The following KMT2C variants were observed in gnomAD, a reference collection of about 807,000 sequenced individuals.
The protein encoded by KMT2C is histone-lysine N-methyltransferase 2C.
Under a neutral mutation model 507.9 loss-of-function variants are expected in KMT2C, and 88 were observed. That is an observed-to-expected ratio of 0.17 (90% CI 0.15 to 0.21). The LOEUF is 0.21. Ranked by LOEUF, KMT2C falls within the 10% of genes least tolerant of loss-of-function variation. The probability of loss-of-function intolerance (pLI) is 1.00; values close to 1 mark genes in which losing one functional copy is unlikely to be tolerated. For missense variants in KMT2C, 4,954 were observed against 5,957.8 expected (o/e 0.83, Z 5.55); for synonymous variants, 2,049 against 2,080.8 (o/e 0.98, Z 0.42).
chr7:152,146,487 C>A, intron 53 of KMT2C, 112 bp downstream of exon 53: 2 of 1,025,134 alleles, frequency 2.0e-6, no homozygotes, highest in Admixed American at 2.1e-5. Context: ...CGGGTTAATG[C>A]ACAGGCTCAG....
chr7:152,385,109 C>T (rs1042978272), intron 1 of KMT2C, among the ~76,000 whole-genome samples: 25 of 152,190 alleles, frequency 1.6e-4, no homozygotes, highest in African/African-American at 6.0e-4. Context: ...GTTCTAACTA[C>T]TCATTTGGAA....
At chr7:152,409,869 C>T (rs1302698518) in intron 1 of KMT2C, among the ~76,000 whole-genome samples, 6 of 151,978 alleles carry the variant, frequency 3.9e-5, no homozygotes, top group Non-Finnish European at 7.4e-5. Flanking sequence ...CTCAAACTTG[C>T]AATGCTATAC....
At chr7:152,214,655 T>C (rs1271234231) in intron 23 of KMT2C, among the ~76,000 whole-genome samples, 2 of 152,220 alleles carry the variant, frequency 1.3e-5, no homozygotes, top group African/African-American at 4.8e-5. Context: ...TGTGACAACA[T>C]GGATGAACCG....
intron 1 of KMT2C, among the ~76,000 whole-genome samples, chr7:152,377,697 T>C (rs1242486498): frequency 1.4e-5 from 2 of 140,068 alleles, no homozygotes; most frequent in East Asian, 2.1e-4. Flanking sequence ...ATCGCACCAC[T>C]GCACTCCAGC....
At chr7:152,270,439 C>A (rs2095942277) in intron 7 of KMT2C, among the ~76,000 whole-genome samples, 1 of 152,184 alleles carries the variant, frequency 6.6e-6, no homozygotes, top group African/African-American at 2.4e-5. Flanking sequence ...CTTGCAAAGA[C>A]TTCTCATTGC....
At chr7:152,384,587 C>G (rs1589627546) in intron 1 of KMT2C, among the ~76,000 whole-genome samples, 1 of 151,200 alleles carries the variant, frequency 6.6e-6, no homozygotes, top group African/African-American at 2.4e-5. Flanking sequence ...ACCACCACCA[C>G]CACCACCACC....
chr7:152,410,412 A>C (rs1344728464), intron 1 of KMT2C, among the ~76,000 whole-genome samples: 5 of 90,876 alleles, frequency 5.5e-5, no homozygotes, highest in Admixed American at 5.2e-4. Flanking sequence ...ACCCTGTCTC[A>C]AAAAAAAAAA....
rs184377660 is a variant in KMT2C at position 152,314,859 on chromosome 7, T to C, written c.590+279A>G. On this transcript the variant is annotated intron_variant, in intron 4 of 58. Transcript: ENST00000262189. ...ACTCCCTCCCTCTCAGCTTGTGTTA[T>C]GTTCTTTGAAGTTTTCTTCCAAAAG... Among the ~76,000 whole-genome samples the C allele has an allele frequency of 1.1e-3, 172 of 152,328 alleles. 2 individuals are homozygous for C. Among genetic ancestry groups the C allele is most frequent in the Admixed American group, 2.2e-3 (34 of 15,302 alleles).
At chr7:152,307,248 A>AGGACGGACGGAC (rs1554631753) in intron 6 of KMT2C, among the ~76,000 whole-genome samples, 1 of 116,986 alleles carries the variant, frequency 8.5e-6, no homozygotes, top group African/African-American at 4.3e-5. Flanking sequence ...GAAGGAAGGA[A>AGGACGGACGGAC]GGACGGTAGG....
At chr7:152,414,479 G>A (rs2097714175) in intron 1 of KMT2C, among the ~76,000 whole-genome samples, 1 of 150,830 alleles carries the variant, frequency 6.6e-6, no homozygotes, top group Non-Finnish European at 1.5e-5. Context: ...CATGAGCCGA[G>A]ATTGTGCCAT....
chr7:152,247,301 G>A (rs1407672330), intron 14 of KMT2C, among the ~76,000 whole-genome samples: 8 of 152,032 alleles, frequency 5.3e-5, no homozygotes, highest in African/African-American at 1.9e-4. Flanking sequence ...ATGTAAAGCA[G>A]ACAAAGGAAG....
At chr7:152,359,591 G>A (rs1056400670) in intron 1 of KMT2C, among the ~76,000 whole-genome samples, 20 of 151,256 alleles carry the variant, frequency 1.3e-4, no homozygotes, top group East Asian at 1.9e-4. Flanking sequence ...CCATCATGGC[G>A]AAACCCCATC....
intron 2 of KMT2C, among the ~76,000 whole-genome samples, chr7:152,334,378 G>A (rs10239761): frequency 0.038 from 5,848 of 152,224 alleles, 386 homozygotes; most frequent in African/African-American, 0.13. Flanking sequence ...CTTGAACTTG[G>A]GAGGCGGAGG....
intron 1 of KMT2C, among the ~76,000 whole-genome samples, chr7:152,408,826 A>AG (rs1296901597): frequency 6.6e-6 from 1 of 151,956 alleles, no homozygotes; most frequent in Non-Finnish European, 1.5e-5. Context: ...AAAAAAAAAA[A>AG]AAAAAAAATG....
chr7:152,275,634 A>G (rs2096067809), intron 6 of KMT2C, among the ~76,000 whole-genome samples: 1 of 152,170 alleles, frequency 6.6e-6, no homozygotes, highest in Non-Finnish European at 1.5e-5. Context: ...AGCTTTTACA[A>G]AACAGGTAAT....
intron 58 of KMT2C, 102 bp from the exon 59 acceptor site, chr7:152,137,026 C>T (rs1037935167): frequency 4.5e-5 from 39 of 868,232 alleles, no homozygotes; most frequent in Admixed American, 1.6e-4. Context: ...ACGAAACAGA[C>T]GTAAATTAAG....
rs748870708 is a variant in KMT2C, at chr7:152,176,637, G to A, written c.8816C>T (p.Pro2939Leu). 5 of 1,614,050 alleles carry A rather than the reference G, an allele frequency of 3.1e-6. No homozygotes were observed. The highest frequency in any genetic ancestry group is 3.3e-5 in the Admixed American group (2 of 60,004). ...TGGGGAGGCCGGCAGAGTTGGTGGT[G>A]GTGGAGACCCCGATGGCCTAATGTC... ...NSDIRPSGSP[P>L]PPTLPASPSN... is the part of the protein sequence containing the mutation. Residue 2939 changes from proline to leucine, a missense_variant, in exon 38 of 59, where the codon CCA becomes CTA. Pro to Leu is a moderately conservative substitution (Grantham distance 98, BLOSUM62 -3). Around this residue, in one of 29 missense-constraint regions of KMT2C, gnomAD observed 1,689 missense variants for 1,654.3 expected, o/e 1.02. Coordinates refer to ENST00000262189, the MANE Select transcript of KMT2C (RefSeq NM_170606.3).
intron 22 of KMT2C, among the ~76,000 whole-genome samples, chr7:152,221,549 C>T (rs1436261723): frequency 2.0e-5 from 3 of 152,148 alleles, no homozygotes; most frequent in Admixed American, 2.0e-4. Flanking sequence ...ACTATCCAAA[C>T]ATTTTTGTAT....
chr7:152,223,655 G>A (rs1195088410), intron 20 of KMT2C, among the ~76,000 whole-genome samples: 5 of 151,990 alleles, frequency 3.3e-5, no homozygotes, highest in South Asian at 2.1e-4. Flanking sequence ...TTAGCTGGGC[G>A]TGGTGGCATG....
Sources: allele counts gnomAD v4.1 joint callset (sites outside exome capture counted in the v4.1 genomes callset), GRCh38; gene constraint gnomAD v4.1.1; regional missense constraint gnomAD v4.1.1; transcripts MANE v1.5; gene names NCBI Gene and HGNC (gene_info 2026-07-23, HGNC 2026-07-21).